RIMS1: variants seen among roughly 807,000 people sequenced by gnomAD.
RIMS1 encodes the protein regulating synaptic membrane exocytosis protein 1.
A neutral mutation model predicts 214.1 loss-of-function variants in RIMS1; 83 were observed. The observed-to-expected ratio is 0.39, with a 90% CI of 0.32 to 0.47. The LOEUF is 0.47. Among genes scored for constraint, RIMS1 ranks in the 20% least tolerant of loss-of-function variants. The pLI, the probability that RIMS1 is intolerant of heterozygous loss-of-function variation, is 0.99. For missense variants in RIMS1, 2,050 were observed against 2,161.8 expected, an observed-to-expected ratio of 0.95 and a Z score of 1.03; for synonymous variants, 793 against 786.8, an observed-to-expected ratio of 1.01 and a Z score of -0.13.
chr6:71,991,990 G>C (rs1327930858), intron 2 of RIMS1, among the ~76,000 whole-genome samples: 1 of 152,080 alleles, frequency 6.6e-6, no homozygotes, highest in Admixed American at 6.6e-5. Context: ...ACTTTAACGG[G>C]GAGGCAAAGG....
At chr6:72,051,119 C>G (rs559309843) in intron 2 of RIMS1, among the ~76,000 whole-genome samples, 2 of 152,080 alleles carry the variant, frequency 1.3e-5, no homozygotes, top group Non-Finnish European at 1.5e-5. Flanking sequence ...TCCAAAAGAT[C>G]GTTTCTTTTT....
chr6:72,163,810 G>A (rs2045842469), intron 4 of RIMS1, among the ~76,000 whole-genome samples: 1 of 95,856 alleles, frequency 1.0e-5, no homozygotes. Flanking sequence ...GGGGGGGGGG[G>A]GCCTCCCAGT....
At position 71,886,903 on chromosome 6, in the gene RIMS1, C is replaced by T. The variant is rs532687860; in HGVS notation, c.-121C>T. On this transcript the variant is annotated 5_prime_UTR_variant, in exon 1 of 34. Coordinates refer to ENST00000521978, the MANE Select transcript of RIMS1 (RefSeq NM_014989.7). ...TGCTGCTGCCGCCGCCGCCGCTGCTCCTCCTCCTGCCGCCGCCGCTAGGGC... is the reference window on the plus strand; with the variant it reads ...TGCTGCTGCCGCCGCCGCCGCTGCTTCTCCTCCTGCCGCCGCCGCTAGGGC... The T allele has an allele frequency of 7.8e-4, 907 of 1,162,408 alleles. 3 individuals carry two copies. Among genetic ancestry groups the T allele is most frequent in the Non-Finnish European group, 1.0e-3 (840 of 818,960 alleles). The allele number at this position is 1,162,408 out of a possible 1,614,324, so 72.0% of individuals were successfully genotyped here. A position where few individuals can be genotyped will look rare whatever the true frequency, so the allele number is the denominator to read the frequency against.
At chr6:72,200,689 C>T (rs982479007) in intron 6 of RIMS1, among the ~76,000 whole-genome samples, 1 of 152,114 alleles carries the variant, frequency 6.6e-6, no homozygotes, top group Non-Finnish European at 1.5e-5. Flanking sequence ...AATTCTCCCT[C>T]TTAACTACCG....
intron 11 of RIMS1, among the ~76,000 whole-genome samples, chr6:72,247,716 TC>T (rs1204081187): frequency 2.0e-5 from 3 of 152,134 alleles, no homozygotes; most frequent in African/African-American, 7.2e-5. Flanking sequence ...ACAGGCACTA[TC>T]TTCCTTATCT....
At chr6:72,036,040 GA>G (rs1351516293) in intron 2 of RIMS1, among the ~76,000 whole-genome samples, 4 of 152,124 alleles carry the variant, frequency 2.6e-5, no homozygotes, top group Non-Finnish European at 5.9e-5. Flanking sequence ...CTAAGGCACA[GA>G]AAAGCTGCAT....
chr6:72,081,949 T>C (rs1833520476), intron 2 of RIMS1, among the ~76,000 whole-genome samples: 1 of 152,138 alleles, frequency 6.6e-6, no homozygotes, highest in Non-Finnish European at 1.5e-5. Context: ...GGGAAGAAAA[T>C]TACATCTTGT....
At chr6:72,188,695 C>G (rs188874593) in intron 6 of RIMS1, among the ~76,000 whole-genome samples, 2 of 152,160 alleles carry the variant, frequency 1.3e-5, no homozygotes, top group Admixed American at 1.3e-4. Context: ...GTAGAGTCAC[C>G]CAGACCATCA....
At chr6:72,348,999 T>C (rs1437627942) in intron 29 of RIMS1, among the ~76,000 whole-genome samples, 1 of 151,960 alleles carries the variant, frequency 6.6e-6, no homozygotes, top group Non-Finnish European at 1.5e-5. Flanking sequence ...TTGTTGGGCA[T>C]AGGGCCAGAG....
Position 72,329,415 on chromosome 6 carries a change from A to G in RIMS1, c.4131-4185A>G, listed in dbSNP as rs544089193. On this transcript the variant is annotated intron_variant, in intron 28 of 33. Coordinates refer to ENST00000521978, the MANE Select transcript of RIMS1 (RefSeq NM_014989.7). ...TACATATAGTTATTGGGGAAAATGGAATACTAAAATTAGATTACTAAGTTA... is the reference window on the plus strand; with the variant it reads ...TACATATAGTTATTGGGGAAAATGGGATACTAAAATTAGATTACTAAGTTA... Among the ~76,000 whole-genome samples, 4 of 151,976 alleles carry G rather than the reference A, an allele frequency of 2.6e-5. No homozygotes were observed. The East Asian group carries it at 7.8e-4, about 29-fold the overall frequency.
chr6:71,977,060 G>GATCC (rs1797341207), intron 2 of RIMS1, among the ~76,000 whole-genome samples: 1 of 152,104 alleles, frequency 6.6e-6, no homozygotes, highest in Non-Finnish European at 1.5e-5. Context: ...TACAATAGCG[G>GATCC]ATGGCAGAAA....
chr6:72,124,707 C>T (rs1421562864), intron 4 of RIMS1, among the ~76,000 whole-genome samples: 2 of 152,054 alleles, frequency 1.3e-5, no homozygotes, highest in Non-Finnish European at 2.9e-5. Flanking sequence ...AACTTCTTTT[C>T]TCACTTCATT....
intron 2 of RIMS1, among the ~76,000 whole-genome samples, chr6:72,056,058 T>C (rs1826076212): frequency 6.9e-6 from 1 of 144,770 alleles, no homozygotes; most frequent in Admixed American, 7.1e-5. Flanking sequence ...GTGGTACATA[T>C]GCACCATGGA....
chr6:72,333,934 GTTC>G, intron 29 of RIMS1, 99 bp downstream of exon 29: 1 of 869,170 alleles, frequency 1.2e-6, no homozygotes, highest in Non-Finnish European at 1.8e-6. Flanking sequence ...GGCATATTTG[GTTC>G]TTCTTTGAAA....
At chr6:72,196,128 T>C (rs981309979) in intron 6 of RIMS1, among the ~76,000 whole-genome samples, 2 of 152,170 alleles carry the variant, frequency 1.3e-5, no homozygotes, top group Admixed American at 6.6e-5. Flanking sequence ...TATTGGTTTA[T>C]GTATATTTCC....
chr6:72,392,732 A>G lies in RIMS1; in HGVS notation c.4540A>G (p.Ser1514Gly). The change falls in exon 31 of 34, where the codon AGT becomes GGT. Residue 1514 changes from serine to glycine, a missense_variant. By Grantham distance (56) the Ser-to-Gly change is moderately conservative. Around this residue, in one of 6 missense-constraint regions of RIMS1, gnomAD observed 121 missense variants for 187.3 expected, o/e 0.65. Transcript: ENST00000521978. ...TCCTGGAGTGCGACTGGGAGCTGAC[A>G]GTCAATTCAGTGATTTTCTTGATGG... ...IFPGVRLGADSQFSDFLDGLG... is the reference protein window; with the variant it reads ...IFPGVRLGADGQFSDFLDGLG... The G allele has an allele frequency of 3.7e-6, 6 of 1,613,740 alleles. No individual in the cohort carries two copies. The highest frequency in any genetic ancestry group is 5.1e-6 in the Non-Finnish European group (6 of 1,179,694).
At chr6:71,993,868 A>G (rs1802610259) in intron 2 of RIMS1, among the ~76,000 whole-genome samples, 1 of 152,218 alleles carries the variant, frequency 6.6e-6, no homozygotes, top group East Asian at 1.9e-4. Flanking sequence ...TCAGATATGC[A>G]CACAATATAT....
chr6:72,366,800 C>T (rs2033773212), intron 29 of RIMS1: 1 of 985,752 alleles, frequency 1.0e-6, no homozygotes, highest in Non-Finnish European at 1.2e-6. Flanking sequence ...GTCAAAGCTT[C>T]TTTGGCATTC....
chr6:71,970,844 A>G (rs949336547), intron 2 of RIMS1, among the ~76,000 whole-genome samples: 1 of 152,202 alleles, frequency 6.6e-6, no homozygotes, highest in African/African-American at 2.4e-5. Context: ...TTGTGAATGG[A>G]ACTCTCCATA....
Sources: gnomAD v4.1 joint callset for allele counts (sites outside exome capture counted in the v4.1 genomes callset) on GRCh38, gnomAD v4.1.1 for gene constraint, gnomAD v4.1.1 regional missense constraint, MANE v1.5 for transcripts, NCBI Gene and HGNC (gene_info 2026-07-23, HGNC 2026-07-21) for gene names.